Variants in NAV1 observed in about 807,000 individuals in gnomAD.
NAV1 encodes the protein neuron navigator 1.
NAV1 carries 18 observed loss-of-function variants against 175.2 expected under a neutral mutation model. The ratio of observed to expected loss-of-function variants is 0.10; its 90% CI spans 0.07 to 0.15. NAV1 has a LOEUF of 0.15. Ranked by LOEUF, NAV1 falls within the 10% of genes least tolerant of loss-of-function variation. NAV1 has a pLI of 1.00. For missense variants in NAV1, 1,731 were observed against 2,436.6 expected (o/e 0.71, Z 6.10); for synonymous variants, 897 against 978.7 (o/e 0.92, Z 1.56).
At chr1:201,819,964 C>T (rs1679293369) in exon 30 of NAV1, 1 of 1,596,178 alleles carries the variant, frequency 6.3e-7, no homozygotes, top group Admixed American at 1.7e-5. Context: ...CCCCGGACAG[C>T]AGAACGCTGG....
At chr1:201,650,725 G>A (rs1298939296) in intron 1 of NAV1, among the ~76,000 whole-genome samples, 1 of 152,236 alleles carries the variant, frequency 6.6e-6, no homozygotes, top group East Asian at 1.9e-4. Context: ...TCCTCTGACA[G>A]GGGCAAGGAT....
intron 1 of NAV1, among the ~76,000 whole-genome samples, chr1:201,568,773 T>C (rs1666441580): frequency 6.6e-6 from 1 of 152,130 alleles, no homozygotes; most frequent in Non-Finnish European, 1.5e-5. Context: ...GAAAGAGGGC[T>C]CCATTGCAAG....
chr1:201,551,084 G>T (rs537256443), intron 1 of NAV1, among the ~76,000 whole-genome samples: 83 of 152,264 alleles, frequency 5.5e-4, no homozygotes, highest in African/African-American at 1.9e-3. Flanking sequence ...TGTCAAAATC[G>T]GACTCAGAGA....
chr1:201,635,283 G>C (rs533951908), intron 2 of NAV1, among the ~76,000 whole-genome samples: 1 of 151,802 alleles, frequency 6.6e-6, no homozygotes, highest in Non-Finnish European at 1.5e-5. Context: ...CTGACCTCGC[G>C]ATCTGCCCGC....
intron 3 of NAV1, among the ~76,000 whole-genome samples, chr1:201,761,704 T>G (rs1356165221): frequency 6.6e-6 from 1 of 152,242 alleles, no homozygotes; most frequent in African/African-American, 2.4e-5. Flanking sequence ...TGGTTTTTGC[T>G]TCTGTCAACC....
chr1:201,610,071 G>A (rs1465952619), intron 2 of NAV1, among the ~76,000 whole-genome samples: 1 of 152,132 alleles, frequency 6.6e-6, no homozygotes, highest in African/African-American at 2.4e-5. Flanking sequence ...GAGAAGGGAG[G>A]GCACCTTCTC....
At chr1:201,734,493 G>GA (rs1558109103) in intron 3 of NAV1, among the ~76,000 whole-genome samples, 2 of 71,682 alleles carry the variant, frequency 2.8e-5, no homozygotes, top group South Asian at 1.2e-3. Context: ...GAGGAAGAAG[G>GA]AGAAGGAGAA....
rs533412560 is a variant in NAV1 at position 201,793,912 on chromosome 1, G to A, written c.3405+37G>A. On this transcript the variant is annotated intron_variant, in intron 14 of 29. Transcript: ENST00000367296. ...GGGAAAGGGTGGGAGGGGTGGGTGC[G>A]GCGAGGGGGTTCTCCTGGACAGAGA... 8.9e-6 allele frequency: 13 copies of A among 1,465,880 alleles called. No individual in the cohort carries two copies. The East Asian group carries it at 1.4e-4, about 15-fold the overall frequency. 90.8% of individuals were successfully genotyped at this position (1,465,880 alleles called of 1,614,324 possible).
chr1:201,658,727 C>A (rs1299397173), intron 1 of NAV1, among the ~76,000 whole-genome samples: 1 of 152,136 alleles, frequency 6.6e-6, no homozygotes, highest in African/African-American at 2.4e-5. Flanking sequence ...GCCCGCTGGT[C>A]CTTGGAGATG....
intron 3 of NAV1, among the ~76,000 whole-genome samples, chr1:201,746,817 A>G (rs1673797312): frequency 6.6e-6 from 1 of 152,108 alleles, no homozygotes; most frequent in African/African-American, 2.4e-5. Context: ...CCTGGGAAAC[A>G]TGGGGAAACC....
chr1:201,559,307 C>A (rs1186345699), intron 1 of NAV1, among the ~76,000 whole-genome samples: 1 of 152,114 alleles, frequency 6.6e-6, no homozygotes, highest in African/African-American at 2.4e-5. Flanking sequence ...ATGTTTCCTG[C>A]CCTTGAGAAG....
At chr1:201,781,169 GTGA>G (rs1676300833) in exon 5 of NAV1, 1 of 1,614,068 alleles carries the variant, frequency 6.2e-7, no homozygotes. Context: ...CCTGAGAGCT[GTGA>G]TGATTCATCC....
intron 1 of NAV1, 74 bp downstream of exon 3, chr1:201,623,680 A>G (rs971417856): frequency 3.0e-6 from 3 of 985,532 alleles, no homozygotes; most frequent in Non-Finnish European, 3.6e-6. Flanking sequence ...GGAAGAGGAC[A>G]GGGACCCTGG....
chr1:201,689,398 G>A (rs137977644), intron 1 of NAV1, among the ~76,000 whole-genome samples: 4 of 152,242 alleles, frequency 2.6e-5, no homozygotes, highest in African/African-American at 7.2e-5. Context: ...CTTAAATCAT[G>A]TCACCACTCA....
At chr1:201,701,767 CAT>C (rs1371532796) in intron 1 of NAV1, among the ~76,000 whole-genome samples, 1 of 152,214 alleles carries the variant, frequency 6.6e-6, no homozygotes, top group African/African-American at 2.4e-5. Context: ...TTGGAACTCT[CAT>C]ATACTGCTGA....
chr1:201,696,996 A>G (rs1175085953), intron 1 of NAV1, among the ~76,000 whole-genome samples: 2 of 152,154 alleles, frequency 1.3e-5, no homozygotes, highest in Non-Finnish European at 2.9e-5. Context: ...GATGCTCACT[A>G]AACAAAAAAT....
At position 201,718,750 on chromosome 1, in the gene NAV1, T is replaced by C. The variant is rs1328429245; in HGVS notation, c.1221T>C (p.Thr407=). ...CCATGACGGAGGATGATGACATCAC[T>C]ACCGGGTAAGCGCAGGGGCTTCTTG... Residue 407 remains threonine, a synonymous_variant, in exon 3 of 30, where the codon ACT becomes ACC. Coordinates refer to ENST00000367296, the Ensembl canonical transcript of NAV1. The surrounding 1 kb of genome is among the most constrained non-coding windows in gnomAD (Gnocchi z 4.8). The C allele has an allele frequency of 6.2e-7, 1 of 1,606,438 alleles. No homozygotes were observed. The highest frequency in any genetic ancestry group is 8.5e-7 in the Non-Finnish European group (1 of 1,174,064).
rs111407137 is a variant in NAV1 at position 201,581,923 on chromosome 1, C to T, written c.-143-6616C>T. Among the ~76,000 whole-genome samples the T allele has an allele frequency of 3.7e-3, 561 of 152,116 alleles. 2 individuals are homozygous for T. Among genetic ancestry groups the T allele is most frequent in the African/African-American group, 0.012 (518 of 41,470 alleles). On this transcript the variant is annotated intron_variant, in intron 1 of 33. Coordinates refer to the NAV1 transcript ENST00000685211. The stretch of plus-strand genomic sequence containing the variant: ...CATCCTGGCTAACACGGTGAAACCC[C>T]GTCTCTACTAAAAATACAAAAAATT...
chr1:201,809,283 C>T, intron 21 of NAV1, 22 bp downstream of exon 25: 2 of 1,610,576 alleles, frequency 1.2e-6, no homozygotes, highest in African/African-American at 2.7e-5. Context: ...CAGGGAGAGC[C>T]ACAGTGGGAA....
Sources: allele counts gnomAD v4.1 joint callset (sites outside exome capture counted in the v4.1 genomes callset), GRCh38; gene constraint gnomAD v4.1.1; non-coding constraint Gnocchi (gnomAD v3.1); transcripts MANE v1.5; gene names NCBI Gene and HGNC (gene_info 2026-07-23, HGNC 2026-07-21).